The following GAB2 variants were observed in gnomAD, a reference collection of about 807,000 sequenced individuals.
GAB2 encodes the protein GRB2 associated binding protein 2.
A neutral mutation model predicts 65.5 loss-of-function variants in GAB2; 26 were observed. The observed-to-expected ratio is 0.40, with a 90% CI of 0.29 to 0.55. The LOEUF (loss-of-function observed/expected upper bound fraction) is 0.55. Among genes scored for constraint, GAB2 ranks in the 20% least tolerant of loss-of-function variants. The pLI, the probability that GAB2 is intolerant of heterozygous loss-of-function variation, is 0.53. For synonymous variants in GAB2, 321 were observed against 329.6 expected (o/e 0.97, Z 0.28); for missense variants, 884 against 875.8 (o/e 1.01, Z -0.12).
chr11:78,233,229 G>A (rs72948537), intron 3 of GAB2, among the ~76,000 whole-genome samples: 360 of 152,170 alleles, frequency 2.4e-3, no homozygotes, highest in Middle Eastern at 6.8e-3. Context: ...GAGATGGGGT[G>A]TCGCCATGTT....
chr11:78,391,424 G>A (rs7112234), intron 1 of GAB2, among the ~76,000 whole-genome samples: 36,444 of 152,136 alleles, frequency 0.24, 4,842 homozygotes, highest in East Asian at 0.4. Flanking sequence ...TTCAATCAAT[G>A]AAGTATGGCC....
chr11:78,222,757 A>G (rs1565416643), intron 6 of GAB2, among the ~76,000 whole-genome samples: 2 of 151,864 alleles, frequency 1.3e-5, no homozygotes, highest in Non-Finnish European at 2.9e-5. Context: ...TAATTTTTAT[A>G]TTTTTAGTAG....
chr11:78,241,714 A>C (rs1305407762), intron 3 of GAB2, among the ~76,000 whole-genome samples: 2 of 152,216 alleles, frequency 1.3e-5, no homozygotes, highest in Non-Finnish European at 2.9e-5. Context: ...AGAAGAAAGA[A>C]TATCTGAACT....
intron 1 of GAB2, among the ~76,000 whole-genome samples, chr11:78,368,214 G>C (rs1856523247): frequency 6.6e-6 from 1 of 152,160 alleles, no homozygotes; most frequent in African/African-American, 2.4e-5. Flanking sequence ...GCTAAGAATG[G>C]CAAGACCATT....
chr11:78,271,658 G>A (rs995458520), intron 2 of GAB2, among the ~76,000 whole-genome samples: 1 of 152,206 alleles, frequency 6.6e-6, no homozygotes, highest in Non-Finnish European at 1.5e-5. Context: ...CTAGCTGAAA[G>A]TAAACATGTA....
chr11:78,306,309 C>T (rs1425704820), intron 1 of GAB2, among the ~76,000 whole-genome samples: 1 of 152,188 alleles, frequency 6.6e-6, no homozygotes, highest in Non-Finnish European at 1.5e-5. Context: ...TGGCTCACTG[C>T]AACCTCCGCC....
At chr11:78,357,576 C>A (rs1449574637) in intron 1 of GAB2, among the ~76,000 whole-genome samples, 18 of 152,146 alleles carry the variant, frequency 1.2e-4, no homozygotes, top group African/African-American at 4.3e-4. Flanking sequence ...AAGAAAAAAA[C>A]AAACAACCCC....
rs1265897817 is a variant in GAB2 at position 78,286,048 on chromosome 11, C to T, written c.76-5147G>A. 2.6e-5 allele frequency among the ~76,000 whole-genome samples: 4 copies of T among 152,206 alleles called. No individual in the cohort carries two copies. In the South Asian group the frequency reaches 8.3e-4, roughly 31 times the overall value. On this transcript the variant is annotated intron_variant, in intron 1 of 9. Transcript: ENST00000361507. Reference sequence around the variant, plus strand: ...AATTATGTTTCCTTCCTCCATCGCTCTTTCCCTCCTTTGTTTCCTTACATC... The same window carrying T: ...AATTATGTTTCCTTCCTCCATCGCTTTTTCCCTCCTTTGTTTCCTTACATC...
At chr11:78,321,677 A>G (rs1855727028) in intron 1 of GAB2, among the ~76,000 whole-genome samples, 1 of 152,176 alleles carries the variant, frequency 6.6e-6, no homozygotes, top group Non-Finnish European at 1.5e-5. Flanking sequence ...AAAGTACTCT[A>G]CTTGCATTTA....
chr11:78,261,133 A>G (rs1865717887), intron 2 of GAB2, among the ~76,000 whole-genome samples: 1 of 152,102 alleles, frequency 6.6e-6, no homozygotes, highest in Non-Finnish European at 1.5e-5. Flanking sequence ...ATACATATAA[A>G]TTAGCTGGGC....
At chr11:78,224,545 C>G (rs1043451188) in intron 5 of GAB2, among the ~76,000 whole-genome samples, 3 of 152,232 alleles carry the variant, frequency 2.0e-5, no homozygotes, top group Non-Finnish European at 2.9e-5. Flanking sequence ...AACTCTTGCT[C>G]TATCTGCCGT....
At chr11:78,274,145 C>A (rs765378181) in intron 2 of GAB2, among the ~76,000 whole-genome samples, 3 of 152,118 alleles carry the variant, frequency 2.0e-5, no homozygotes, top group Non-Finnish European at 1.5e-5. Context: ...TGTAGTGGTG[C>A]ACACCTGTAG....
At chr11:78,275,306 A>T (rs1866135929) in intron 2 of GAB2, among the ~76,000 whole-genome samples, 1 of 152,154 alleles carries the variant, frequency 6.6e-6, no homozygotes, top group African/African-American at 2.4e-5. Flanking sequence ...AGGGAAGAAA[A>T]AATACTCAAT....
At position 78,288,452 on chromosome 11, in the gene GAB2, C is replaced by A. The variant is rs969610845; in HGVS notation, c.76-7551G>T. ...AAAACACAAAAAATCTACAACAAAA[C>A]CCAACAAAACTCTCAGGACGAATAA... On this transcript the variant is annotated intron_variant, in intron 1 of 9. Transcript: ENST00000361507. Among the ~76,000 whole-genome samples, 3 of 148,902 alleles carry A rather than the reference C, an allele frequency of 2.0e-5. No individual in the cohort carries two copies. The East Asian group carries it at 5.9e-4, about 29-fold the overall frequency.
chr11:78,365,884 C>G, intron 1 of GAB2, among the ~76,000 whole-genome samples: 1 of 152,322 alleles, frequency 6.6e-6, no homozygotes, highest in East Asian at 1.9e-4. Context: ...CTATCCCGCT[C>G]TATGGAGGCA....
intron 5 of GAB2, among the ~76,000 whole-genome samples, chr11:78,224,160 C>T (rs58773411): frequency 6.6e-6 from 1 of 152,132 alleles, no homozygotes; most frequent in African/African-American, 2.4e-5. Flanking sequence ...CAAGCCTTCA[C>T]GATCCTTTGG....
intron 1 of GAB2, among the ~76,000 whole-genome samples, chr11:78,388,713 T>C (rs1856798490): frequency 1.3e-5 from 2 of 152,178 alleles, no homozygotes; most frequent in Non-Finnish European, 2.9e-5. Context: ...ACCAACCTTT[T>C]GCCCTCAGAG....
At chr11:78,411,070 C>T (rs1428236329) in intron 1 of GAB2, among the ~76,000 whole-genome samples, 1 of 149,696 alleles carries the variant, frequency 6.7e-6, no homozygotes, top group Non-Finnish European at 1.5e-5. Context: ...GTAGGATCAC[C>T]TGAGCCCAGG....
intron 3 of GAB2, 75 bp downstream of exon 3, chr11:78,250,080 TAA>T: frequency 6.8e-7 from 1 of 1,472,456 alleles, no homozygotes; most frequent in Non-Finnish European, 9.4e-7. Context: ...TGCTTGTCTT[TAA>T]AAAAGCAAGG....
Sources: gnomAD v4.1 joint callset for allele counts (sites outside exome capture counted in the v4.1 genomes callset) on GRCh38, gnomAD v4.1.1 for gene constraint, MANE v1.5 for transcripts, NCBI Gene and HGNC (gene_info 2026-07-23, HGNC 2026-07-21) for gene names.